Variants in THADA observed in about 807,000 individuals in gnomAD.
THADA encodes the protein tRNA (32-2'-O)-methyltransferase regulator THADA.
THADA carries 213 observed loss-of-function variants against 219.8 expected under a neutral mutation model. The observed-to-expected ratio is 0.97, with a 90% CI of 0.87 to 1.09. The LOEUF is 1.09. Ranked by LOEUF, THADA falls within the 50% of genes least tolerant of loss-of-function variation. THADA has a pLI of 0.00. For synonymous variants in THADA, 1,018 were observed against 828.9 expected (o/e 1.23, Z -3.92); for missense variants, 2,956 against 2,311.3 (o/e 1.28, Z -5.72).
At chr2:43,460,946 T>C (rs960690432) in intron 26 of THADA, among the ~76,000 whole-genome samples, 2 of 151,702 alleles carry the variant, frequency 1.3e-5, no homozygotes, top group Non-Finnish European at 2.9e-5. Flanking sequence ...GTCCCAGGAG[T>C]GTGGGGAGGC....
intron 30 of THADA, among the ~76,000 whole-genome samples, chr2:43,322,819 G>A (rs181182795): frequency 0.01 from 1,526 of 150,682 alleles, 29 homozygotes; most frequent in African/African-American, 0.036. Context: ...CGGAGTAGCT[G>A]GGACTACAGG....
intron 16 of THADA, among the ~76,000 whole-genome samples, chr2:43,558,535 G>C (rs772551980): frequency 6.6e-6 from 1 of 152,188 alleles, no homozygotes; most frequent in African/African-American, 2.4e-5. Context: ...TCAGATGCCA[G>C]TGCAGCAAGA....
intron 4 of THADA, among the ~76,000 whole-genome samples, chr2:43,588,255 A>C (rs1193447327): frequency 6.6e-6 from 1 of 151,964 alleles, no homozygotes; most frequent in Non-Finnish European, 1.5e-5. Flanking sequence ...CTCACACTAC[A>C]TTCAAAGCTT....
intron 26 of THADA, among the ~76,000 whole-genome samples, chr2:43,448,993 C>A (rs1360918398): frequency 1.3e-5 from 2 of 151,838 alleles, no homozygotes; most frequent in African/African-American, 2.4e-5. Context: ...AGGAACTGGC[C>A]CTGAGAAAGA....
chr2:43,447,834 C>T (rs1681772667), intron 26 of THADA, among the ~76,000 whole-genome samples: 1 of 152,120 alleles, frequency 6.6e-6, no homozygotes, highest in African/African-American at 2.4e-5. Context: ...CAGTAAAATC[C>T]CAACATTTCC....
intron 26 of THADA, among the ~76,000 whole-genome samples, chr2:43,453,802 GACCCAA>G (rs1682655040): frequency 6.6e-6 from 1 of 152,192 alleles, no homozygotes; most frequent in Admixed American, 6.5e-5. Context: ...TTAATAGCCA[GACCCAA>G]AATCGTTTAA....
At chr2:43,409,642 T>C (rs1168353262) in intron 28 of THADA, among the ~76,000 whole-genome samples, 1 of 152,192 alleles carries the variant, frequency 6.6e-6, no homozygotes, top group East Asian at 1.9e-4. Context: ...TGCTGCAATT[T>C]AATTTTGTTT....
chr2:43,425,565 T>C (rs1050459016), intron 28 of THADA, among the ~76,000 whole-genome samples: 12 of 152,074 alleles, frequency 7.9e-5, no homozygotes, highest in African/African-American at 2.9e-4. Context: ...AGTGGCATTA[T>C]CTGGAAGACC....
intron 36 of THADA, among the ~76,000 whole-genome samples, chr2:43,263,540 G>A (rs560759406): frequency 9.9e-5 from 15 of 152,184 alleles, no homozygotes; most frequent in African/African-American, 3.4e-4. Context: ...ACAAGCACGG[G>A]GTCAAAGAGC....
chr2:43,481,096 C>T (rs1428364242), intron 26 of THADA, among the ~76,000 whole-genome samples: 1 of 152,170 alleles, frequency 6.6e-6, no homozygotes, highest in Non-Finnish European at 1.5e-5. Flanking sequence ...ACATGAAGAA[C>T]AGGAGAGAAG....
At chr2:43,464,549 A>G (rs900281374) in intron 26 of THADA, among the ~76,000 whole-genome samples, 5 of 152,164 alleles carry the variant, frequency 3.3e-5, no homozygotes, top group Non-Finnish European at 7.3e-5. Flanking sequence ...TGCCTCTTGA[A>G]TTAAGTTAAG....
At chr2:43,314,317 G>C (rs901921299) in intron 31 of THADA, among the ~76,000 whole-genome samples, 1 of 152,074 alleles carries the variant, frequency 6.6e-6, no homozygotes, top group Admixed American at 6.5e-5. Flanking sequence ...AAAGAACCAA[G>C]TTGCATAAAA....
At chr2:43,436,454 A>G (rs1447332598) in intron 26 of THADA, among the ~76,000 whole-genome samples, 1 of 152,208 alleles carries the variant, frequency 6.6e-6, no homozygotes, top group African/African-American at 2.4e-5. Flanking sequence ...CCTCCCTCAG[A>G]TGACCTGAAG....
At chr2:43,395,333 C>G (rs10166376) in intron 29 of THADA, among the ~76,000 whole-genome samples, 1 of 152,130 alleles carries the variant, frequency 6.6e-6, no homozygotes, top group African/African-American at 2.4e-5. Context: ...GAGTCTGACA[C>G]AATCAAGAGA....
chr2:43,367,056 A>G (rs570270547), intron 29 of THADA, among the ~76,000 whole-genome samples: 1 of 152,378 alleles, frequency 6.6e-6, no homozygotes, highest in African/African-American at 2.4e-5. Context: ...ACCTTGAGAC[A>G]TAATACAAAG....
chr2:43,489,874 CAAA>C (rs201735523), intron 25 of THADA, among the ~76,000 whole-genome samples: 26 of 56,066 alleles, frequency 4.6e-4, no homozygotes, highest in African/African-American at 1.3e-3. Context: ...TTAAGATCTG[CAAA>C]AAAAAAAAAA....
intron 21 of THADA, 51 bp from the exon 22 acceptor site, chr2:43,528,039 G>T: frequency 7.6e-7 from 1 of 1,320,056 alleles, no homozygotes; most frequent in Non-Finnish European, 1.1e-6. Context: ...ACATTCGCAA[G>T]TGTATTTATA....
chr2:43,545,378 G>T (rs1269436597), intron 20 of THADA, among the ~76,000 whole-genome samples: 4 of 151,940 alleles, frequency 2.6e-5, no homozygotes, highest in African/African-American at 9.7e-5. Context: ...TCAGGATGAT[G>T]CTGGCCTCAT....
intron 36 of THADA, among the ~76,000 whole-genome samples, chr2:43,237,736 G>A (rs535990356): frequency 1.6e-4 from 24 of 152,098 alleles, no homozygotes; most frequent in South Asian, 1.5e-3. Context: ...ACTCACAGAA[G>A]AAAACATAGA....
Sources: allele counts gnomAD v4.1 joint callset (sites outside exome capture counted in the v4.1 genomes callset), GRCh38; gene constraint gnomAD v4.1.1; transcripts MANE v1.5; gene names NCBI Gene and HGNC (gene_info 2026-07-23, HGNC 2026-07-21).